Variants in CCDC146 observed in about 807,000 individuals in gnomAD.
CCDC146 encodes the protein coiled-coil domain-containing protein 146.
In CCDC146, 92 loss-of-function variants were observed where a neutral mutation model predicts 119.3. The observed-to-expected ratio is 0.77, with a 90% CI of 0.65 to 0.92. The LOEUF (loss-of-function observed/expected upper bound fraction) is 0.92. Ranked by LOEUF, CCDC146 falls within the 40% of genes least tolerant of loss-of-function variation. CCDC146 has a pLI of 0.00. For missense variants in CCDC146, 1,000 were observed against 1,103.0 expected, an observed-to-expected ratio of 0.91 and a Z score of 1.32; for synonymous variants, 372 against 371.8, an observed-to-expected ratio of 1.00 and a Z score of -0.01.
At chr7:77,291,345 C>CT (rs141520543) in intron 17 of CCDC146, among the ~76,000 whole-genome samples, 12,168 of 151,486 alleles carry the variant, frequency 0.08, 684 homozygotes, top group Non-Finnish European at 0.11. Context: ...CTCTTGAGAT[C>CT]TTTTTTTTCC....
intron 1 of CCDC146, among the ~76,000 whole-genome samples, chr7:77,158,934 C>G (rs542179440): frequency 1.6e-4 from 24 of 152,190 alleles, no homozygotes; most frequent in African/African-American, 5.8e-4. Context: ...ATATTTGCCT[C>G]TGTTGGGTTT....
intron 9 of CCDC146, among the ~76,000 whole-genome samples, chr7:77,271,498 C>T (rs1320049662): frequency 8.2e-5 from 10 of 121,214 alleles, no homozygotes; most frequent in East Asian, 3.2e-4. Context: ...TATATATACA[C>T]ACACACTAAT....
chr7:77,173,737 T>A (rs2150411802), intron 2 of CCDC146, among the ~76,000 whole-genome samples: 1 of 152,302 alleles, frequency 6.6e-6, no homozygotes, highest in South Asian at 2.1e-4. Context: ...CATTGCTGCG[T>A]AACTATGAGG....
intron 4 of CCDC146, among the ~76,000 whole-genome samples, chr7:77,252,377 C>T (rs533195119): frequency 1.3e-5 from 2 of 152,212 alleles, no homozygotes; most frequent in African/African-American, 4.8e-5. Context: ...GTTCCAAATG[C>T]ATCACAGTAA....
intron 2 of CCDC146, among the ~76,000 whole-genome samples, chr7:77,213,295 A>G (rs889627413): frequency 1.3e-5 from 2 of 151,400 alleles, no homozygotes; most frequent in Non-Finnish European, 2.9e-5. Context: ...GTCTCACCAC[A>G]TTTCCCAGGC....
chr7:77,136,813 C>T (rs1790866489), intron 1 of CCDC146, among the ~76,000 whole-genome samples: 1 of 152,042 alleles, frequency 6.6e-6, no homozygotes, highest in Non-Finnish European at 1.5e-5. Context: ...TTAAAGAAAA[C>T]AAAATTATGG....
At chr7:77,209,385 C>T (rs1792140109) in intron 2 of CCDC146, among the ~76,000 whole-genome samples, 1 of 152,228 alleles carries the variant, frequency 6.6e-6, no homozygotes, top group South Asian at 2.1e-4. Flanking sequence ...CCAAGCTACG[C>T]TGACACAGGG....
intron 2 of CCDC146, among the ~76,000 whole-genome samples, chr7:77,230,494 ATGTGTGTGTG>A (rs71524923): frequency 6.7e-6 from 1 of 149,232 alleles, no homozygotes; most frequent in Non-Finnish European, 1.5e-5. Context: ...GTTGACAGGT[ATGTGTGTGTG>A]TGTGTGTGTG....
chr7:77,231,366 G>A (rs964985422), intron 2 of CCDC146, among the ~76,000 whole-genome samples: 1 of 152,198 alleles, frequency 6.6e-6, no homozygotes, highest in South Asian at 2.1e-4. Flanking sequence ...AAAGTTTGCT[G>A]AGATTGCTAA....
At chr7:77,271,835 G>A (rs958105118) in intron 9 of CCDC146, among the ~76,000 whole-genome samples, 4 of 152,098 alleles carry the variant, frequency 2.6e-5, no homozygotes, top group Admixed American at 1.3e-4. Flanking sequence ...AATAACCAAA[G>A]TGTCTAGACC....
chr7:77,204,535 A>G (rs984369945), intron 2 of CCDC146, among the ~76,000 whole-genome samples: 3 of 152,230 alleles, frequency 2.0e-5, no homozygotes, highest in African/African-American at 7.2e-5. Flanking sequence ...CAACTGAAGT[A>G]TAGGGCAGAA....
At chr7:77,135,819 G>T (rs1790853881) in intron 1 of CCDC146, among the ~76,000 whole-genome samples, 1 of 152,164 alleles carries the variant, frequency 6.6e-6, no homozygotes, top group African/African-American at 2.4e-5. Flanking sequence ...AATGGGTGGA[G>T]AAAAATATAC....
At chr7:77,167,567 G>GT in intron 1 of CCDC146, 91 bp from the exon 2 acceptor site, 1 of 1,003,166 alleles carries the variant, frequency 1.0e-6, no homozygotes, top group Non-Finnish European at 1.3e-6. Context: ...GCTTATTCCA[G>GT]TTTTTTGTTT....
At chr7:77,231,053 G>A (rs564483177) in intron 2 of CCDC146, among the ~76,000 whole-genome samples, 2 of 152,304 alleles carry the variant, frequency 1.3e-5, no homozygotes, top group South Asian at 4.1e-4. Context: ...GCTATTCTGA[G>A]TAGTGTGATA....
intron 2 of CCDC146, among the ~76,000 whole-genome samples, chr7:77,170,208 T>G (rs1356449855): frequency 6.6e-6 from 1 of 152,168 alleles, no homozygotes; most frequent in Non-Finnish European, 1.5e-5. Flanking sequence ...AGCTCCCACT[T>G]ATAAATGAGA....
At chr7:77,231,818 GTT>G (rs71524924) in intron 2 of CCDC146, among the ~76,000 whole-genome samples, 13 of 137,886 alleles carry the variant, frequency 9.4e-5, no homozygotes, top group Admixed American at 2.9e-4. Flanking sequence ...TGTTGTTGTT[GTT>G]TTTTTTTTTT....
At chr7:77,189,709 C>T (rs1431349497) in intron 2 of CCDC146, among the ~76,000 whole-genome samples, 1 of 152,216 alleles carries the variant, frequency 6.6e-6, no homozygotes, top group Non-Finnish European at 1.5e-5. Flanking sequence ...CTGTTTCACA[C>T]AGACATCTTT....
chr7:77,127,052 G>A (rs1452628893), intron 1 of CCDC146, among the ~76,000 whole-genome samples: 1 of 152,152 alleles, frequency 6.6e-6, no homozygotes, highest in Non-Finnish European at 1.5e-5. Flanking sequence ...AGCGGGAGCA[G>A]ACACCCCAAG....
chr7:77,175,999 G>A (rs1413217797), intron 2 of CCDC146, among the ~76,000 whole-genome samples: 4 of 151,226 alleles, frequency 2.6e-5, no homozygotes, highest in Non-Finnish European at 4.4e-5. Context: ...TGACTGCTGT[G>A]GGATGAGATG....
Sources: allele counts gnomAD v4.1 joint callset (sites outside exome capture counted in the v4.1 genomes callset), GRCh38; gene constraint gnomAD v4.1.1; transcripts MANE v1.5; gene names NCBI Gene and HGNC (gene_info 2026-07-23, HGNC 2026-07-21).